Variants in PTPRD observed in about 807,000 individuals in gnomAD.
PTPRD encodes the protein receptor-type tyrosine-protein phosphatase delta.
A neutral mutation model predicts 214.5 loss-of-function variants in PTPRD; 34 were observed. The observed-to-expected ratio is 0.16, with a 90% CI of 0.12 to 0.21. The LOEUF is 0.21. PTPRD is among the 10% of genes least tolerant of loss of function. The probability of loss-of-function intolerance (pLI) is 1.00; values close to 1 mark genes in which losing one functional copy is unlikely to be tolerated. For missense variants in PTPRD, 2,545 were observed against 2,398.7 expected (o/e 1.06, Z -1.27); for synonymous variants, 1,128 against 845.7 (o/e 1.33, Z -5.79).
At chr9:9,209,255 T>A (rs2099947018) in intron 9 of PTPRD, among the ~76,000 whole-genome samples, 1 of 152,230 alleles carries the variant, frequency 6.6e-6, no homozygotes, top group African/African-American at 2.4e-5. Context: ...GACACTATTG[T>A]TAAGCAATGA....
chr9:10,128,055 C>T (rs757316460), intron 3 of PTPRD, among the ~76,000 whole-genome samples: 2 of 152,122 alleles, frequency 1.3e-5, no homozygotes, highest in Admixed American at 6.6e-5. Flanking sequence ...CTAGTTTTAG[C>T]TGACTCAGGA....
intron 11 of PTPRD, among the ~76,000 whole-genome samples, chr9:8,805,125 A>T (rs2096649868): frequency 6.6e-6 from 1 of 152,176 alleles, no homozygotes; most frequent in South Asian, 2.1e-4. Context: ...TAGTATCTGG[A>T]AAAATAAGAA....
chr9:9,686,314 ATATT>A (rs942060877), intron 7 of PTPRD, among the ~76,000 whole-genome samples: 71 of 151,486 alleles, frequency 4.7e-4, no homozygotes, highest in African/African-American at 1.7e-3. Context: ...TAAAAATTCT[ATATT>A]TAAACTCATT....
intron 5 of PTPRD, among the ~76,000 whole-genome samples, chr9:9,778,052 G>A (rs1041189328): frequency 6.6e-6 from 1 of 152,216 alleles, no homozygotes; most frequent in African/African-American, 2.4e-5. Flanking sequence ...GATGGCTGAA[G>A]AGACGCAGCT....
At chr9:9,747,613 C>T (rs1420738773) in intron 6 of PTPRD, among the ~76,000 whole-genome samples, 4 of 149,302 alleles carry the variant, frequency 2.7e-5, no homozygotes, top group Non-Finnish European at 4.4e-5. Context: ...ATGGCACCAT[C>T]TCAGCTCACT....
intron 7 of PTPRD, among the ~76,000 whole-genome samples, chr9:9,613,824 G>A (rs1236199137): frequency 6.6e-6 from 1 of 152,084 alleles, no homozygotes; most frequent in East Asian, 1.9e-4. Flanking sequence ...TTGAGAAGCA[G>A]TGCTCTGGAT....
chr9:9,624,091 G>A (rs150761658), intron 7 of PTPRD, among the ~76,000 whole-genome samples: 8 of 152,130 alleles, frequency 5.3e-5, no homozygotes, highest in Non-Finnish European at 1.2e-4. Context: ...ATAATCAAAT[G>A]TCCTTATGTA....
intron 3 of PTPRD, among the ~76,000 whole-genome samples, chr9:10,035,916 G>GA (rs34677194): frequency 0.035 from 5,372 of 151,790 alleles, 142 homozygotes; most frequent in Admixed American, 0.09. Flanking sequence ...TCAGGAAGCG[G>GA]AAATCTATAT....
At chr9:10,503,329 A>G (rs1325061053) in intron 2 of PTPRD, among the ~76,000 whole-genome samples, 1 of 151,860 alleles carries the variant, frequency 6.6e-6, no homozygotes, top group Non-Finnish European at 1.5e-5. Flanking sequence ...ATAGCAAAAG[A>G]AGGTTCGTTT....
At chr9:9,294,309 A>C (rs1008350760) in intron 9 of PTPRD, among the ~76,000 whole-genome samples, 1 of 151,730 alleles carries the variant, frequency 6.6e-6, no homozygotes, top group African/African-American at 2.4e-5. Context: ...CTGTACACTA[A>C]CCTGTGTATA....
rs1371483943 is a variant in PTPRD at position 10,507,662 on chromosome 9, A to G, written c.-600+104736T>C. 2.6e-5 allele frequency among the ~76,000 whole-genome samples: 4 copies of G among 152,044 alleles called. No individual in the cohort carries two copies. In the East Asian group the frequency reaches 7.7e-4, roughly 29 times the overall value. On this transcript the variant is annotated intron_variant, in intron 2 of 45. Transcript: ENST00000381196. ...TAATATCACACATCTACAACCATCT[A>G]ATCTTTGACAAACGTGACAAAAACA...
chr9:10,338,696 C>T (rs536724795), intron 3 of PTPRD, among the ~76,000 whole-genome samples: 2 of 151,778 alleles, frequency 1.3e-5, no homozygotes, highest in East Asian at 3.9e-4. Context: ...TTCTTAGAAG[C>T]TCAAAACTGT....
intron 3 of PTPRD, among the ~76,000 whole-genome samples, chr9:10,279,497 T>A (rs2094959336): frequency 6.6e-6 from 1 of 152,122 alleles, no homozygotes; most frequent in Admixed American, 6.6e-5. Context: ...CTACTAGATC[T>A]GCATGTTCAC....
At chr9:9,104,277 A>G (rs2099795417) in intron 10 of PTPRD, among the ~76,000 whole-genome samples, 1 of 152,188 alleles carries the variant, frequency 6.6e-6, no homozygotes, top group Non-Finnish European at 1.5e-5. Context: ...AAAATTCAAA[A>G]TTCATGTAAT....
At chr9:9,371,015 AG>A (rs2059341802) in intron 9 of PTPRD, among the ~76,000 whole-genome samples, 1 of 152,182 alleles carries the variant, frequency 6.6e-6, no homozygotes, top group Non-Finnish European at 1.5e-5. Flanking sequence ...TCGTTTTGCC[AG>A]AATTTTATTG....
chr9:10,032,226 T>C (rs898460425), intron 4 of PTPRD, among the ~76,000 whole-genome samples: 1 of 152,208 alleles, frequency 6.6e-6, no homozygotes, highest in Non-Finnish European at 1.5e-5. Context: ...TTTCTTACTA[T>C]AGCCATTTAA....
chr9:8,668,369 C>T (rs75834956), intron 12 of PTPRD, among the ~76,000 whole-genome samples: 10 of 152,168 alleles, frequency 6.6e-5, no homozygotes, highest in African/African-American at 2.2e-4. Context: ...CAGCCAAACT[C>T]GACAGGTTTC....
intron 7 of PTPRD, among the ~76,000 whole-genome samples, chr9:9,700,938 G>C (rs2154411837): frequency 6.6e-6 from 1 of 151,912 alleles, no homozygotes; most frequent in East Asian, 1.9e-4. Flanking sequence ...GGTGTTAACA[G>C]CAAAGTAGAA....
At chr9:9,618,319 T>C (rs2095029228) in intron 7 of PTPRD, among the ~76,000 whole-genome samples, 1 of 151,898 alleles carries the variant, frequency 6.6e-6, no homozygotes, top group Non-Finnish European at 1.5e-5. Flanking sequence ...TTTAGCAAAA[T>C]TAGAGGATTA....
Sources: allele counts gnomAD v4.1 joint callset (sites outside exome capture counted in the v4.1 genomes callset), GRCh38; gene constraint gnomAD v4.1.1; transcripts MANE v1.5; gene names NCBI Gene and HGNC (gene_info 2026-07-23, HGNC 2026-07-21).